NDST3: variants seen among roughly 807,000 people sequenced by gnomAD.
NDST3 encodes N-deacetylase and N-sulfotransferase 3.
NDST3 carries 58 observed loss-of-function variants against 96.1 expected under a neutral mutation model. The observed-to-expected ratio is 0.60, with a 90% confidence interval of 0.49 to 0.75. The LOEUF is 0.75. Among genes scored for constraint, NDST3 ranks in the 30% least tolerant of loss-of-function variants. NDST3 has a pLI of 0.00. For missense variants in NDST3, 788 were observed against 1,034.2 expected (o/e 0.76, Z 3.27); for synonymous variants, 333 against 359.7 (o/e 0.93, Z 0.84).
At chr4:118,193,338 A>G (rs192112017) in intron 6 of NDST3, 305 of 426,834 alleles carry the variant, frequency 7.1e-4, no homozygotes, top group African/African-American at 5.4e-3. Context: ...AGTTTTTACA[A>G]AACTAACAGG....
chr4:118,184,602 T>TACAAACACACAC (rs1553941347), intron 6 of NDST3, among the ~76,000 whole-genome samples: 1 of 138,490 alleles, frequency 7.2e-6, no homozygotes, highest in East Asian at 2.1e-4. Context: ...TCTCTCTCTC[T>TACAAACACACAC]ACACACACAC....
chr4:118,176,371 C>T (rs560229501), intron 6 of NDST3, among the ~76,000 whole-genome samples: 1 of 152,082 alleles, frequency 6.6e-6, no homozygotes, highest in Admixed American at 6.6e-5. Flanking sequence ...TGCACTATGC[C>T]TTCATAACAT....
At chr4:118,140,146 T>C (rs945499776) in intron 5 of NDST3, among the ~76,000 whole-genome samples, 1 of 152,140 alleles carries the variant, frequency 6.6e-6, no homozygotes, top group Non-Finnish European at 1.5e-5. Flanking sequence ...CCAAACCCCA[T>C]AATAGTATTG....
chr4:118,194,872 A>T, intron 6 of NDST3: 1 of 265,214 alleles, frequency 3.8e-6, no homozygotes, highest in Non-Finnish European at 7.1e-6. Context: ...ACTGCGGACC[A>T]CATGGAGGCT....
chr4:118,105,214 G>T, intron 3 of NDST3, 109 bp downstream of exon 3: 3 of 677,972 alleles, frequency 4.4e-6, no homozygotes, highest in Non-Finnish European at 4.9e-6. Context: ...TTCCTCCCCA[G>T]CATTTTATCA....
intron 9 of NDST3, among the ~76,000 whole-genome samples, chr4:118,234,346 T>C (rs1740500091): frequency 6.6e-6 from 1 of 151,982 alleles, no homozygotes; most frequent in African/African-American, 2.4e-5. Context: ...CCATGGAGGT[T>C]GAGGCTGCAA....
chr4:118,101,450 G>A (rs1190405537), intron 2 of NDST3, among the ~76,000 whole-genome samples: 1 of 150,090 alleles, frequency 6.7e-6, no homozygotes, highest in East Asian at 2.0e-4. Flanking sequence ...GTGTTAAATT[G>A]TATTTGAAAT....
At chr4:118,077,509 G>C (rs10030249) in intron 2 of NDST3, among the ~76,000 whole-genome samples, 1 of 152,140 alleles carries the variant, frequency 6.6e-6, no homozygotes, top group Admixed American at 6.5e-5. Flanking sequence ...TCTGCTCCTG[G>C]GTCTTGGAAG....
intron 4 of NDST3, among the ~76,000 whole-genome samples, chr4:118,126,374 T>C (rs1732064870): frequency 1.3e-5 from 2 of 151,966 alleles, no homozygotes; most frequent in South Asian, 2.1e-4. Context: ...CATGTGATGT[T>C]TGTCTTTCTG....
At chr4:118,126,533 T>C (rs944110055) in intron 4 of NDST3, among the ~76,000 whole-genome samples, 4 of 11,490 alleles carry the variant, frequency 3.5e-4, no homozygotes, top group East Asian at 2.3e-3. Context: ...TATATATATA[T>C]ACACATATAT....
intron 3 of NDST3, among the ~76,000 whole-genome samples, chr4:118,113,674 T>G (rs1730827203): frequency 6.6e-6 from 1 of 152,130 alleles, no homozygotes; most frequent in Non-Finnish European, 1.5e-5. Flanking sequence ...CAGTCCATTC[T>G]CCATCTTTAG....
chr4:118,086,470 C>T (rs1019109579), intron 2 of NDST3, among the ~76,000 whole-genome samples: 2 of 152,062 alleles, frequency 1.3e-5, no homozygotes, highest in African/African-American at 4.8e-5. Context: ...ACCACCCACC[C>T]GCCCTCTGAC....
At chr4:118,133,458 T>G (rs528081037) in intron 4 of NDST3, among the ~76,000 whole-genome samples, 1 of 152,194 alleles carries the variant, frequency 6.6e-6, no homozygotes, top group African/African-American at 2.4e-5. Context: ...AAAGGTGGCA[T>G]TGGCGATTCA....
intron 4 of NDST3, among the ~76,000 whole-genome samples, chr4:118,131,849 A>C (rs558891944): frequency 1.1e-4 from 16 of 152,162 alleles, no homozygotes; most frequent in Admixed American, 5.9e-4. Context: ...ATCTAGAAGA[A>C]GGCTCTGGAT....
At chr4:118,114,604 T>G (rs1459529203) in intron 3 of NDST3, among the ~76,000 whole-genome samples, 4 of 152,228 alleles carry the variant, frequency 2.6e-5, no homozygotes, top group Admixed American at 6.5e-5. Flanking sequence ...TTTAATAACA[T>G]TTAAGAGTTT....
At chr4:118,091,700 C>T (rs1477913832) in intron 2 of NDST3, among the ~76,000 whole-genome samples, 2 of 151,694 alleles carry the variant, frequency 1.3e-5, no homozygotes, top group African/African-American at 4.8e-5. Context: ...GGATCTCTAC[C>T]CTTTCCTGTT....
intron 6 of NDST3, among the ~76,000 whole-genome samples, chr4:118,215,340 C>T (rs1188553061): frequency 6.6e-6 from 1 of 152,066 alleles, no homozygotes; most frequent in Non-Finnish European, 1.5e-5. Context: ...TGTGGTCAAC[C>T]ATGTTCAATG....
chr4:118,104,901 T>G, intron 2 of NDST3, 117 bp from the exon 3 acceptor site: 1 of 688,640 alleles, frequency 1.5e-6, no homozygotes, highest in Non-Finnish European at 2.4e-6. Flanking sequence ...TTCCACCATT[T>G]AATTCTCACA....
chr4:118,107,587 G>A (rs972174867), intron 3 of NDST3, among the ~76,000 whole-genome samples: 3 of 152,044 alleles, frequency 2.0e-5, no homozygotes, highest in Non-Finnish European at 4.4e-5. Flanking sequence ...AAAAGTCAAG[G>A]TATAGTACAG....
Sources: allele counts gnomAD v4.1 joint callset (sites outside exome capture counted in the v4.1 genomes callset), GRCh38; gene constraint gnomAD v4.1.1; transcripts MANE v1.5; gene names NCBI Gene and HGNC (gene_info 2026-07-23, HGNC 2026-07-21).